The following CYP4F3 variants were observed in gnomAD, a reference collection of about 807,000 sequenced individuals.
CYP4F3 encodes cytochrome P450 4F3.
CYP4F3 carries 50 observed loss-of-function variants against 54.8 expected under a neutral mutation model. The ratio of observed to expected loss-of-function variants is 0.91; its 90% CI spans 0.73 to 1.16. CYP4F3 has a LOEUF of 1.16. CYP4F3 is among the 50% of genes most tolerant of loss of function. CYP4F3 has a pLI of 0.00. For missense variants in CYP4F3, 715 were observed against 676.2 expected, an observed-to-expected ratio of 1.06 and a Z score of -0.64; for synonymous variants, 244 against 262.6, an observed-to-expected ratio of 0.93 and a Z score of 0.69.
At chr19:15,647,154 G>A (rs1038793428) in intron 4 of CYP4F3, 43 bp from the exon 5 acceptor site, 4 of 1,613,828 alleles carry the variant, frequency 2.5e-6, no homozygotes, top group Admixed American at 3.3e-5. Flanking sequence ...GGGGGCCAGG[G>A]GAGGGAGATG....
rs111211992 is a variant in CYP4F3 at position 15,643,192 on chromosome 19, G to T, written c.198+1579G>T. ...AGATAGGTAGGTAGATAGATAATAG[G>T]CTAGATGGATGAATGGATGCACAGA... On this transcript the variant is annotated intron_variant, in intron 2 of 12. Transcript: ENST00000221307. Among the ~76,000 whole-genome samples the T allele has an allele frequency of 1.8e-3, 277 of 152,070 alleles. 1 individual carries two copies. Among genetic ancestry groups the T allele is most frequent in the African/African-American group, 6.3e-3 (262 of 41,438 alleles).
intron 9 of CYP4F3, among the ~76,000 whole-genome samples, chr19:15,653,473 C>A (rs1243922072): frequency 6.6e-6 from 1 of 152,086 alleles, no homozygotes; most frequent in African/African-American, 2.4e-5. Context: ...TCTTTCTGTG[C>A]TCTGGAGACC....
rs199823871 is a variant in CYP4F3, at chr19:15,650,664, CTT to C, written c.918+483_918+484del. Among the ~76,000 whole-genome samples, 52 of 18,092 alleles carry C rather than the reference CTT, an allele frequency of 2.9e-3. 8 individuals carry two copies. The highest frequency in any genetic ancestry group is 0.014 in the African/African-American group (48 of 3,466). 11.9% of individuals were successfully genotyped at this position (18,092 alleles called of 152,430 possible). A position where few individuals can be genotyped will look rare whatever the true frequency, so the allele number is the denominator to read the frequency against. ...CTCCCTCCCTCCCTGCCTTCTTTTTCTTTCTTTCTTTCTTTCTTTCTTTCTTT... is the reference window on the plus strand; with the variant it reads ...CTCCCTCCCTCCCTGCCTTCTTTTTCTCTTTCTTTCTTTCTTTCTTTCTTT... On this transcript the variant is annotated intron_variant, in intron 7 of 12. Coordinates refer to ENST00000221307, the MANE Select transcript of CYP4F3 (RefSeq NM_000896.3).
chr19:15,645,300 T>A (rs1599881745), intron 2 of CYP4F3, among the ~76,000 whole-genome samples: 1 of 152,226 alleles, frequency 6.6e-6, no homozygotes. Flanking sequence ...TCGGCAGGCC[T>A]GGGCCTTCTA....
At position 15,658,543 on chromosome 19, in the gene CYP4F3, G is replaced by A. The variant is rs578174220; in HGVS notation, c.1302G>A (p.Trp434Ter). The change falls in exon 11 of 13, where the codon TGG becomes TGA. Residue 434 changes from tryptophan (W) to a stop codon, truncating the protein, a stop_gained. Transcript: ENST00000221307. LOFTEE classifies it high-confidence loss of function. ...VFGTHHNPAV[W>*]PDPEVYDPFR... Reference sequence around the variant, plus strand: ...GAACCCATCACAACCCAGCCGTGTGGCCGGACCCTGAGGTGCGGGCCCCCC... The same window carrying A: ...GAACCCATCACAACCCAGCCGTGTGACCGGACCCTGAGGTGCGGGCCCCCC... 2 of 1,614,098 alleles carry A rather than the reference G, an allele frequency of 1.2e-6. No homozygotes were observed. The highest frequency in any genetic ancestry group is 2.2e-5 in the East Asian group (1 of 44,862).
chr19:15,650,660 T>TTTTCTTTTTCTTTCTTTC (rs1555742388), intron 7 of CYP4F3, among the ~76,000 whole-genome samples: 8 of 35,642 alleles, frequency 2.2e-4, no homozygotes, highest in East Asian at 1.1e-3. Context: ...CCTGCCTTCT[T>TTTTCTTTTTCTTTCTTTC]TTTCTTTCTT....
chr19:15,653,735 GGAGAGAGAGAGAGAGAGAGAGA>G (rs60874509), intron 9 of CYP4F3, among the ~76,000 whole-genome samples: 2 of 111,698 alleles, frequency 1.8e-5, no homozygotes, highest in African/African-American at 6.8e-5. Flanking sequence ...AAGAGAGAGA[GGAGAGAGAGAGAGAGAGAGAGA>G]GAGAGAGAGA....
chr19:15,657,761 T>C (rs1181627505), intron 9 of CYP4F3, among the ~76,000 whole-genome samples: 1 of 152,206 alleles, frequency 6.6e-6, no homozygotes, highest in Admixed American at 6.5e-5. Context: ...CACGTGTTGA[T>C]GTTATTTGCT....
In CYP4F3 at chr19:15,662,436, C is replaced by G. The variant is rs1973202781; in HGVS notation, c.*3051C>G. 1 of 151,318 alleles carries G rather than the reference C, an allele frequency of 6.6e-6. No homozygotes were observed. Among genetic ancestry groups the G allele is most frequent in the Non-Finnish European group, 1.5e-5 (1 of 67,902 alleles). The allele number at this position is 151,318 out of a possible 1,614,324, so 9.4% of individuals were successfully genotyped here. ...CATGTTGGACCAATACCACACTGCC[C>G]TAGTCACTGTTGCATTATAGTATAT... On this transcript the variant is annotated 3_prime_UTR_variant, in exon 13 of 13. Transcript: ENST00000221307.
intron 7 of CYP4F3, among the ~76,000 whole-genome samples, chr19:15,650,953 G>A (rs1175284784): frequency 6.8e-6 from 1 of 147,254 alleles, no homozygotes; most frequent in Non-Finnish European, 1.5e-5. Flanking sequence ...TGGCTCACTG[G>A]TAACCCCTGC....
intron 2 of CYP4F3, chr19:15,643,920 A>G: frequency 6.3e-7 from 1 of 1,589,154 alleles, no homozygotes; most frequent in Non-Finnish European, 8.6e-7. Flanking sequence ...ACCCCCACGG[A>G]GCAGGGCATG....
chr19:15,641,703 T>C, intron 2 of CYP4F3, 90 bp downstream of exon 2: 1 of 518,524 alleles, frequency 1.9e-6, no homozygotes, highest in Non-Finnish European at 3.5e-6. Context: ...GGGGGTGGGC[T>C]GGGGTCTGGG....
Position 15,645,752 on chromosome 19 carries a change from C to CA in CYP4F3, c.235dup (p.Ser79LysfsTer8), listed in dbSNP as rs1568393470. 1 of 1,613,932 alleles carries CA rather than the reference C, an allele frequency of 6.2e-7. No homozygotes were observed. The highest frequency in any genetic ancestry group is 8.5e-7 in the Non-Finnish European group (1 of 1,179,836). On this transcript the variant is annotated frameshift_variant, in exon 3 of 13. Transcript: ENST00000221307. LOFTEE classifies it high-confidence loss of function. ...CTCGGAGGAAGGTCTCCTATACACA[C>CA]AAAGCCTGGCATGCACCTTCGGTGA...
chr19:15,657,705 T>C (rs1253639489), intron 9 of CYP4F3, among the ~76,000 whole-genome samples: 1 of 152,092 alleles, frequency 6.6e-6, no homozygotes, highest in Non-Finnish European at 1.5e-5. Context: ...ATTTCTTCTT[T>C]TGATGGACAT....
chr19:15,650,363 G>C, intron 7 of CYP4F3, 180 bp downstream of exon 7: 1 of 1,216,404 alleles, frequency 8.2e-7, no homozygotes, highest in Non-Finnish European at 1.2e-6. Context: ...CCTACCAGGG[G>C]ACTGCTAAAT....
At chr19:15,653,985 C>T (rs529170287) in intron 9 of CYP4F3, among the ~76,000 whole-genome samples, 1 of 152,144 alleles carries the variant, frequency 6.6e-6, no homozygotes, top group South Asian at 2.1e-4. Flanking sequence ...ATCTGGGTAC[C>T]AGGAAGATCT....
chr19:15,647,099 T>G lies in CYP4F3; in HGVS notation c.391T>G (p.Trp131Gly). ...GGTCTTCTACAGCTTCCTGAAGCCC[T>G]GGCTGGGTGAGTATCTGTAGGTGAA... ...DKVFYSFLKP[W>G]LGDGLLLSAG... Residue 131 changes from tryptophan (W) to glycine (G), a missense_variant, in exon 4 of 13, where the codon TGG (tryptophan) becomes GGG (glycine). Trp to Gly is a radical substitution (Grantham distance 184, BLOSUM62 -2). Coordinates refer to ENST00000221307, the MANE Select transcript of CYP4F3 (RefSeq NM_000896.3). 1.9e-6 allele frequency: 3 copies of G among 1,613,860 alleles called. No individual in the cohort carries two copies. The highest frequency in any genetic ancestry group is 2.5e-6 in the Non-Finnish European group (3 of 1,180,006).
In CYP4F3 at chr19:15,650,050, T is replaced by C. The variant is rs762970060; in HGVS notation, c.785T>C (p.Leu262Pro). Residue 262 changes from leucine (L) to proline (P), a missense_variant, in exon 7 of 13, where the codon CTG (leucine) becomes CCG (proline). Transcript: ENST00000221307. ...CAGCGTTTCCGCAGGGCCTGCCGCC[T>C]GGTGCACGACTTCACAGATGCCGTC... ...DGQRFRRACR[L>P]VHDFTDAVIQ... 3 of 1,614,058 alleles carry C rather than the reference T, an allele frequency of 1.9e-6. No individual in the cohort carries two copies. The highest frequency in any genetic ancestry group is 2.5e-6 in the Non-Finnish European group (3 of 1,180,026).
Position 15,650,063 on chromosome 19 carries a change from C to A in CYP4F3, c.798C>A (p.Phe266Leu), listed in dbSNP as rs145216906. The change falls in exon 7 of 13, where the codon TTC becomes TTA. Residue 266 changes from phenylalanine to leucine, a missense_variant. Transcript: ENST00000221307. ...GGGCCTGCCGCCTGGTGCACGACTT[C>A]ACAGATGCCGTCATCCAGGAGCGGC... is the stretch of plus-strand genomic sequence containing the variant. ...FRRACRLVHDFTDAVIQERRR... is the reference protein window; with the variant it reads ...FRRACRLVHDLTDAVIQERRR... 240 of 1,614,210 alleles carry A rather than the reference C, an allele frequency of 1.5e-4. No individual in the cohort carries two copies. The African/African-American group carries it at 2.8e-3, about 19-fold the overall frequency.
Sources: gnomAD v4.1 joint callset for allele counts (sites outside exome capture counted in the v4.1 genomes callset) on GRCh38, gnomAD v4.1.1 for gene constraint, MANE v1.5 for transcripts, NCBI Gene and HGNC (gene_info 2026-07-23, HGNC 2026-07-21) for gene names.